The following GRM1 variants were observed in gnomAD, a reference collection of about 807,000 sequenced individuals.
GRM1 encodes glutamate metabotropic receptor 1.
Under a neutral mutation model 90.9 loss-of-function variants are expected in GRM1, and 33 were observed. That is an observed-to-expected ratio of 0.36 (90% confidence interval 0.28 to 0.49). The LOEUF (loss-of-function observed/expected upper bound fraction) is 0.49. GRM1 is among the 20% of genes least tolerant of loss of function. The pLI is 0.99. For synonymous variants in GRM1, 700 were observed against 613.2 expected (o/e 1.14, Z -2.09); for missense variants, 1,190 against 1,534.3 (o/e 0.78, Z 3.75).
chr6:146,320,736 A>G (rs1051066438), intron 3 of GRM1, among the ~76,000 whole-genome samples: 17 of 151,678 alleles, frequency 1.1e-4, no homozygotes, highest in Non-Finnish European at 2.1e-4. Flanking sequence ...TTTCTTCTAG[A>G]TTTTCTAGTT....
At chr6:146,396,194 A>G (rs1465025205) in intron 6 of GRM1, among the ~76,000 whole-genome samples, 1 of 152,100 alleles carries the variant, frequency 6.6e-6, no homozygotes, top group African/African-American at 2.4e-5. Context: ...ATGTGACTTT[A>G]TATAGGAAGA....
chr6:146,175,708 C>A (rs146053962), intron 2 of GRM1, among the ~76,000 whole-genome samples: 1 of 151,760 alleles, frequency 6.6e-6, no homozygotes, highest in African/African-American at 2.4e-5. Flanking sequence ...AAGTCACAAA[C>A]TGGAGTTTTC....
At chr6:146,042,960 A>G (rs905119270) in intron 1 of GRM1, among the ~76,000 whole-genome samples, 1 of 151,970 alleles carries the variant, frequency 6.6e-6, no homozygotes, top group Non-Finnish European at 1.5e-5. Flanking sequence ...CTGATATTTA[A>G]CAGTGTCATC....
In GRM1 at chr6:146,115,727, T is replaced by C. The variant is rs548833133; in HGVS notation, c.701-43621T>C. Among the ~76,000 whole-genome samples, 24 of 152,282 alleles carry C rather than the reference T, an allele frequency of 1.6e-4. No individual in the cohort carries two copies. In the East Asian group the frequency reaches 4.6e-3, roughly 29 times the overall value. On this transcript the variant is annotated intron_variant, in intron 1 of 7. Coordinates refer to ENST00000282753, the MANE Select transcript of GRM1 (RefSeq NM_001278064.2). ...TGGAGATTTTTCATAGTATTTTACA[T>C]TGATTTATTAGAAAAGCTATTGATT...
At chr6:146,091,449 T>C (rs1776713431) in intron 1 of GRM1, among the ~76,000 whole-genome samples, 1 of 152,064 alleles carries the variant, frequency 6.6e-6, no homozygotes, top group African/African-American at 2.4e-5. Context: ...TGTGTGACAT[T>C]GAAGCTGAGC....
At chr6:146,193,084 T>A (rs1164493867) in intron 2 of GRM1, among the ~76,000 whole-genome samples, 2 of 152,134 alleles carry the variant, frequency 1.3e-5, no homozygotes, top group African/African-American at 4.8e-5. Flanking sequence ...TTTTCTGAGA[T>A]GAGGATGCCC....
intron 3 of GRM1, among the ~76,000 whole-genome samples, chr6:146,347,647 G>T (rs926964134): frequency 2.0e-5 from 3 of 151,932 alleles, no homozygotes; most frequent in Non-Finnish European, 2.9e-5. Context: ...AAAATTGCTG[G>T]GATAAATTAA....
chr6:146,157,630 A>G (rs1183627133), intron 1 of GRM1, among the ~76,000 whole-genome samples: 1 of 152,072 alleles, frequency 6.6e-6, no homozygotes, highest in African/African-American at 2.4e-5. Context: ...TTTGATTGAC[A>G]CTGATAGGAA....
intron 7 of GRM1, among the ~76,000 whole-genome samples, chr6:146,409,241 G>A (rs1400169800): frequency 6.6e-6 from 1 of 152,098 alleles, no homozygotes; most frequent in Non-Finnish European, 1.5e-5. Context: ...CACGCATGGT[G>A]AGTCTAAGGA....
In GRM1 at chr6:146,146,103, C is replaced by CTTTTTTTTTTTTTTTTT. The variant is rs35329703; in HGVS notation, c.701-13225_701-13209dup. On this transcript the variant is annotated intron_variant, in intron 1 of 7. Transcript: ENST00000282753. ...CTGTGCCTATGTACTACCATTGTAT[C>CTTTTTTTTTTTTTTTTT]TTTTTTTTTTTTTTTTTTTTTTTTT... Among the ~76,000 whole-genome samples the CTTTTTTTTTTTTTTTTT allele has an allele frequency of 3.2e-3, 63 of 19,988 alleles. 27 individuals carry two copies. The highest frequency in any genetic ancestry group is 5.8e-3 in the Non-Finnish European group (55 of 9,440). 13.1% of individuals were successfully genotyped at this position (19,988 alleles called of 152,430 possible).
At chr6:146,134,329 C>G (rs1776525239) in intron 1 of GRM1, among the ~76,000 whole-genome samples, 1 of 152,146 alleles carries the variant, frequency 6.6e-6, no homozygotes, top group Non-Finnish European at 1.5e-5. Context: ...TAATTTGGTA[C>G]CTAACACATA....
chr6:146,180,087 G>A (rs147191304), intron 2 of GRM1, among the ~76,000 whole-genome samples: 2 of 152,148 alleles, frequency 1.3e-5, no homozygotes, highest in East Asian at 3.9e-4. Flanking sequence ...CAAGACTGAA[G>A]TGAGCCATGA....
At chr6:146,039,417 TG>T (rs1050245281) in intron 1 of GRM1, among the ~76,000 whole-genome samples, 1 of 151,702 alleles carries the variant, frequency 6.6e-6, no homozygotes, top group Non-Finnish European at 1.5e-5. Context: ...GGAAAATGAG[TG>T]GGGAAGACCA....
chr6:146,219,554 G>A lies in GRM1; in HGVS notation c.950+59957G>A, dbSNP rs1246349460. 3.3e-5 allele frequency among the ~76,000 whole-genome samples: 5 copies of A among 152,134 alleles called. No individual in the cohort carries two copies. The East Asian group carries it at 7.7e-4, about 24-fold the overall frequency. ...TGTCAACCAGCCACTTAAAAAAAAA[G>A]GGGGAGGAAGAGAATAGGAAATATT... On this transcript the variant is annotated intron_variant, in intron 2 of 7. Coordinates refer to ENST00000282753, the MANE Select transcript of GRM1 (RefSeq NM_001278064.2).
chr6:146,376,215 A>G (rs6570761), intron 5 of GRM1, among the ~76,000 whole-genome samples: 66,161 of 151,794 alleles, frequency 0.44, 14,543 homozygotes, highest in African/African-American at 0.5. Flanking sequence ...TTGTTTCTAT[A>G]TTTATCTTAT....
chr6:146,043,616 C>T (rs1042272718), intron 1 of GRM1, among the ~76,000 whole-genome samples: 1 of 151,474 alleles, frequency 6.6e-6, no homozygotes, highest in Admixed American at 6.6e-5. Context: ...TTCTGTTTAT[C>T]TCTTGCCTAC....
intron 2 of GRM1, among the ~76,000 whole-genome samples, chr6:146,214,233 C>T (rs1268356625): frequency 6.6e-6 from 1 of 152,156 alleles, no homozygotes; most frequent in Non-Finnish European, 1.5e-5. Flanking sequence ...ATCACAACTG[C>T]TCTCTATAAT....
chr6:146,370,901 C>A (rs1182998821), intron 5 of GRM1, among the ~76,000 whole-genome samples: 1 of 152,006 alleles, frequency 6.6e-6, no homozygotes, highest in Non-Finnish European at 1.5e-5. Context: ...TATATGTCAA[C>A]TTTTTGATCA....
chr6:146,253,078 T>A (rs1286261818), intron 2 of GRM1, among the ~76,000 whole-genome samples: 1 of 152,034 alleles, frequency 6.6e-6, no homozygotes, highest in Non-Finnish European at 1.5e-5. Context: ...ATTGATAAAT[T>A]GTATGATATT....
Sources: allele counts gnomAD v4.1 joint callset (sites outside exome capture counted in the v4.1 genomes callset), GRCh38; gene constraint gnomAD v4.1.1; transcripts MANE v1.5; gene names NCBI Gene and HGNC (gene_info 2026-07-23, HGNC 2026-07-21).